L3MBTL3: variants seen among roughly 807,000 people sequenced by gnomAD.
L3MBTL3 encodes the protein L3MBTL histone methyl-lysine binding protein 3, also known as lethal(3)malignant brain tumor-like protein 3.
In L3MBTL3, 27 loss-of-function variants were observed where a neutral mutation model predicts 102.3. That is an observed-to-expected ratio of 0.26 (90% CI 0.19 to 0.36). The LOEUF is 0.36. Among genes scored for constraint, L3MBTL3 ranks in the 10% least tolerant of loss-of-function variants. The pLI is 1.00. For synonymous variants in L3MBTL3, 340 were observed against 320.9 expected (o/e 1.06, Z -0.64); for missense variants, 798 against 955.3 (o/e 0.84, Z 2.17).
intron 9 of L3MBTL3, among the ~76,000 whole-genome samples, chr6:130,058,564 C>A (rs977088822): frequency 6.6e-6 from 1 of 152,028 alleles, no homozygotes; most frequent in African/African-American, 2.4e-5. Flanking sequence ...GCCGGGACAA[C>A]AGAGCAAGAC....
chr6:130,060,969 C>T (rs1421213330), intron 10 of L3MBTL3, among the ~76,000 whole-genome samples: 1 of 151,846 alleles, frequency 6.6e-6, no homozygotes, highest in Non-Finnish European at 1.5e-5. Flanking sequence ...TTGGCTTCTG[C>T]AGAACACAGT....
At chr6:130,094,893 T>C (rs1326482500) in intron 18 of L3MBTL3, among the ~76,000 whole-genome samples, 1 of 152,190 alleles carries the variant, frequency 6.6e-6, no homozygotes, top group Non-Finnish European at 1.5e-5. Flanking sequence ...TTTATGCATT[T>C]GAAATGTGAT....
chr6:130,070,646 A>G, intron 12 of L3MBTL3, among the ~76,000 whole-genome samples: 1 of 152,194 alleles, frequency 6.6e-6, no homozygotes, highest in Admixed American at 6.6e-5. Context: ...TATATGGTGA[A>G]TAAAACTTGC....
At chr6:130,128,284 A>C (rs770811217) in intron 20 of L3MBTL3, among the ~76,000 whole-genome samples, 1 of 152,226 alleles carries the variant, frequency 6.6e-6, no homozygotes, top group Non-Finnish European at 1.5e-5. Flanking sequence ...TAAAGGAAGT[A>C]CAGAGCTTGG....
At chr6:130,019,132 G>T (rs1778754022) in intron 1 of L3MBTL3, among the ~76,000 whole-genome samples, 1 of 151,532 alleles carries the variant, frequency 6.6e-6, no homozygotes, top group Non-Finnish European at 1.5e-5. Context: ...CAGGCGGCGG[G>T]ATGCGTGTGG....
At chr6:130,067,598 CA>C (rs2114975708) in intron 11 of L3MBTL3, among the ~76,000 whole-genome samples, 1 of 152,146 alleles carries the variant, frequency 6.6e-6, no homozygotes, top group Non-Finnish European at 1.5e-5. Flanking sequence ...AAGGATTCAA[CA>C]AAATAGCATA....
intron 2 of L3MBTL3, among the ~76,000 whole-genome samples, chr6:130,041,797 T>G (rs2114682907): frequency 6.6e-6 from 1 of 152,330 alleles, no homozygotes; most frequent in South Asian, 2.1e-4. Context: ...CAGTTTCATC[T>G]TGGACATTTC....
chr6:130,119,262 T>C (rs1230426849), intron 19 of L3MBTL3, among the ~76,000 whole-genome samples: 1 of 152,204 alleles, frequency 6.6e-6, no homozygotes, highest in Admixed American at 6.5e-5. Flanking sequence ...GTTATATGAC[T>C]GTAGTGTATG....
chr6:130,085,698 T>C (rs1020487098), intron 15 of L3MBTL3, among the ~76,000 whole-genome samples: 2 of 152,210 alleles, frequency 1.3e-5, no homozygotes, highest in African/African-American at 2.4e-5. Context: ...GTTCTAACCA[T>C]TTAAAATTTT....
Position 130,052,894 on chromosome 6 carries a change from A to G in L3MBTL3, c.485A>G (p.Asn162Ser), listed in dbSNP as rs375643235. 3.5e-4 allele frequency: 563 copies of G among 1,613,876 alleles called. No homozygotes were observed. Among genetic ancestry groups the G allele is most frequent in the Non-Finnish European group, 4.7e-4 (554 of 1,179,852 alleles). The change falls in exon 7 of 23, where the codon AAT (asparagine) becomes AGT (serine). Residue 162 changes from asparagine (N) to serine (S), a missense_variant. This residue lies in a region of L3MBTL3 where 434 missense variants were observed against 506.6 expected (regional missense o/e 0.86). Transcript: ENST00000361794. ...QKEERDVEED[N>S]EEEDPKCSRK... ...GAAGAAAGGGACGTAGAAGAAGACA[A>G]TGAGGAAGAAGATCCTAAGTGTAGT...
intron 16 of L3MBTL3, among the ~76,000 whole-genome samples, chr6:130,089,980 A>G (rs1783939160): frequency 6.6e-6 from 1 of 152,104 alleles, no homozygotes; most frequent in Non-Finnish European, 1.5e-5. Flanking sequence ...GGGTGGAAAT[A>G]CTCTAAGCCT....
chr6:130,057,648 A>G (rs1781594344), intron 9 of L3MBTL3, 151 bp downstream of exon 9: 2 of 670,750 alleles, frequency 3.0e-6, no homozygotes, highest in Non-Finnish European at 5.1e-6. Flanking sequence ...GGCAGTGAAC[A>G]CTGACTTGTG....
At chr6:130,049,616 A>G in intron 4 of L3MBTL3, 140 bp from the exon 5 acceptor site, 3 of 949,424 alleles carry the variant, frequency 3.2e-6, no homozygotes, top group Non-Finnish European at 5.0e-6. Flanking sequence ...TAGTAGCACA[A>G]GGTTAGTTGG....
At chr6:130,107,263 A>G (rs1035706065) in intron 19 of L3MBTL3, among the ~76,000 whole-genome samples, 3 of 152,226 alleles carry the variant, frequency 2.0e-5, no homozygotes, top group Admixed American at 1.3e-4. Flanking sequence ...TACAGTTTTA[A>G]TATGTAGGAA....
chr6:130,140,516 A>G lies in L3MBTL3; in HGVS notation c.*763A>G. ...TAGGTAGTGTATTTTGAGTGGCATC[A>G]GTCTCACTCATCTTGGTGCCCCGGT... is the stretch of plus-strand genomic sequence containing the variant. On this transcript the variant is annotated 3_prime_UTR_variant, in exon 23 of 23. Coordinates refer to ENST00000361794, the MANE Select transcript of L3MBTL3 (RefSeq NM_032438.4). The G allele has an allele frequency of 6.6e-6, 1 of 152,414 alleles. No homozygotes were observed. The allele number at this position is 152,414 out of a possible 1,614,324, so 9.4% of individuals were successfully genotyped here. A position where few individuals can be genotyped will look rare whatever the true frequency, so the allele number is the denominator to read the frequency against.
At chr6:130,048,446 G>A (rs960538923) in intron 3 of L3MBTL3, among the ~76,000 whole-genome samples, 3 of 152,150 alleles carry the variant, frequency 2.0e-5, no homozygotes, top group Admixed American at 2.0e-4. Flanking sequence ...GTCTCCACAC[G>A]TAGGTAAGCC....
chr6:130,103,892 G>A (rs189550842), intron 18 of L3MBTL3, among the ~76,000 whole-genome samples: 43 of 152,320 alleles, frequency 2.8e-4, no homozygotes, highest in African/African-American at 9.9e-4. Flanking sequence ...ATTGATCCAT[G>A]TATTTTCTAG....
At chr6:130,058,015 T>C (rs12661232) in intron 9 of L3MBTL3, among the ~76,000 whole-genome samples, 85,382 of 150,416 alleles carry the variant, frequency 0.57, 27,049 homozygotes, top group East Asian at 0.76. Flanking sequence ...CGGTGGCGGG[T>C]GCCTGTAGTC....
intron 2 of L3MBTL3, among the ~76,000 whole-genome samples, chr6:130,031,972 T>A (rs1779751663): frequency 6.6e-6 from 1 of 152,160 alleles, no homozygotes; most frequent in African/African-American, 2.4e-5. Context: ...AGTACAGTGA[T>A]GTGATCATAG....
Sources: allele counts gnomAD v4.1 joint callset (sites outside exome capture counted in the v4.1 genomes callset), GRCh38; gene constraint gnomAD v4.1.1; regional missense constraint gnomAD v4.1.1; transcripts MANE v1.5; gene names NCBI Gene and HGNC (gene_info 2026-07-23, HGNC 2026-07-21).